The following GTF3C1 variants were observed in gnomAD, a reference collection of about 807,000 sequenced individuals.
The protein encoded by GTF3C1 is general transcription factor 3C polypeptide 1.
GTF3C1 carries 57 observed loss-of-function variants against 226.7 expected under a neutral mutation model. The ratio of observed to expected loss-of-function variants is 0.25; its 90% CI spans 0.20 to 0.31. The LOEUF is 0.31. Among genes scored for constraint, GTF3C1 ranks in the 10% least tolerant of loss-of-function variants. The probability of loss-of-function intolerance (pLI) is 1.00; values close to 1 mark genes in which losing one functional copy is unlikely to be tolerated. For synonymous variants in GTF3C1, 1,090 were observed against 1,084.8 expected, an observed-to-expected ratio of 1.00 and a Z score of -0.09; for missense variants, 2,217 against 2,776.1, an observed-to-expected ratio of 0.80 and a Z score of 4.53.
Position 27,461,626 on chromosome 16 carries a change from C to T in GTF3C1, c.6118-64G>A, listed in dbSNP as rs2141334862. On this transcript the variant is annotated intron_variant, in intron 36 of 36. Coordinates refer to ENST00000356183, the MANE Select transcript of GTF3C1 (RefSeq NM_001520.4). The surrounding 1 kb of genome is among the most constrained non-coding windows in gnomAD (Gnocchi z 5.3). ...CTCGCCTGCTTGTTGATTTATTCTT[C>T]AAGCATTTATGGAATGCCCCCTCTG... is the stretch of plus-strand genomic sequence containing the variant. 7.8e-7 allele frequency: 1 copy of T among 1,286,318 alleles called. No homozygotes were observed. The highest frequency in any genetic ancestry group is 1.1e-6 in the Non-Finnish European group (1 of 895,546). 79.7% of individuals were successfully genotyped at this position (1,286,318 alleles called of 1,614,324 possible).
rs2087952569 is a variant in GTF3C1 at position 27,476,527 on chromosome 16, A to G, written c.4277T>C (p.Phe1426Ser). 1 of 1,610,034 alleles carries G rather than the reference A, an allele frequency of 6.2e-7. No individual in the cohort carries two copies. The highest frequency in any genetic ancestry group is 8.5e-7 in the Non-Finnish European group (1 of 1,176,456). The change falls in exon 29 of 37, where the codon TTT (phenylalanine) becomes TCT (serine). Residue 1426 changes from phenylalanine (F) to serine (S), a missense_variant. This residue lies in a region of GTF3C1 where 546 missense variants were observed against 663.0 expected (regional missense o/e 0.82). Transcript: ENST00000356183. ...DELNSVDDIH[F>S]LVLQNLIQST... ...CTGGATCAGGTTCTGAAGCACCAGA[A>G]AGTGGATGTCATCCACGCTGAAAGA...
intron 34 of GTF3C1, 78 bp downstream of exon 34, chr16:27,464,242 G>T: frequency 2.3e-6 from 2 of 871,398 alleles, no homozygotes; most frequent in Admixed American, 3.9e-5. Context: ...CTCGGAGGAA[G>T]GTGTGAGGCC....
chr16:27,491,439 A>G (rs75766912), intron 19 of GTF3C1, among the ~76,000 whole-genome samples: 3,035 of 152,242 alleles, frequency 0.02, 65 homozygotes, highest in East Asian at 0.1. Context: ...TGCACCCGAC[A>G]CTTTGCGACA....
chr16:27,533,525 G>T, intron 4 of GTF3C1, 138 bp from the exon 5 acceptor site: 2 of 620,110 alleles, frequency 3.2e-6, no homozygotes, highest in Non-Finnish European at 5.9e-6. Flanking sequence ...AGGTCTCAAA[G>T]ATCATCCAGC....
At chr16:27,519,115 G>A (rs988837046) in intron 6 of GTF3C1, among the ~76,000 whole-genome samples, 1 of 152,094 alleles carries the variant, frequency 6.6e-6, no homozygotes, top group Non-Finnish European at 1.5e-5. Flanking sequence ...GAGAGGAGGT[G>A]GCATTTGGGT....
At chr16:27,521,578 G>C (rs2088750913) in intron 6 of GTF3C1, among the ~76,000 whole-genome samples, 1 of 152,246 alleles carries the variant, frequency 6.6e-6, no homozygotes, top group Admixed American at 6.5e-5. Context: ...CCAGGTGTCT[G>C]GGTCCCCTCG....
chr16:27,506,087 A>G lies in GTF3C1; in HGVS notation c.1582T>C (p.Leu528=), dbSNP rs773547880. The G allele has an allele frequency of 5.0e-6, 8 of 1,612,440 alleles. No individual in the cohort carries two copies. Among genetic ancestry groups the G allele is most frequent in the Admixed American group, 3.3e-5 (2 of 59,998 alleles). ...GGWKVVNLHP[L]KKQPPSFPGA... Reference sequence around the variant, plus strand: ...GGGAAGGAGGGCGGCTGCTTTTTCAATGGGTGTAGGTTTACAACTTTCCAC... The same window carrying G: ...GGGAAGGAGGGCGGCTGCTTTTTCAGTGGGTGTAGGTTTACAACTTTCCAC... The change falls in exon 10 of 37, where the codon TTG becomes CTG. Residue 528 remains leucine (L), a synonymous_variant. Transcript: ENST00000356183.
chr16:27,469,665 T>A lies in GTF3C1; in HGVS notation c.4815-115A>T. 8.8e-7 allele frequency: 1 copy of A among 1,140,954 alleles called. No individual in the cohort carries two copies. The highest frequency in any genetic ancestry group is 1.3e-6 in the Non-Finnish European group (1 of 790,930). The allele number at this position is 1,140,954 out of a possible 1,614,324, so 70.7% of individuals were successfully genotyped here. A position where few individuals can be genotyped will look rare whatever the true frequency, so the allele number is the denominator to read the frequency against. On this transcript the variant is annotated intron_variant, in intron 31 of 36. Coordinates refer to ENST00000356183, the MANE Select transcript of GTF3C1 (RefSeq NM_001520.4). This position sits in a 1 kb window ranked among gnomAD's most constrained non-coding sequence, Gnocchi z 4.5. ...GGGCTTCAGCAGTGGCCCCAGCAAC[T>A]GGCTATGCTTCATTACCAAGGCTGG...
chr16:27,490,384 C>G (rs985939326), intron 19 of GTF3C1, among the ~76,000 whole-genome samples: 1 of 152,232 alleles, frequency 6.6e-6, no homozygotes, highest in Non-Finnish European at 1.5e-5. Context: ...TGCAGACTCT[C>G]AAAGACTCTC....
chr16:27,496,006 C>T (rs1187623356), intron 14 of GTF3C1, among the ~76,000 whole-genome samples: 3 of 152,194 alleles, frequency 2.0e-5, no homozygotes, highest in Admixed American at 6.5e-5. Context: ...ATGTGATCCT[C>T]GGTGCTGGTG....
chr16:27,489,701 T>A lies in GTF3C1; in HGVS notation c.3194A>T (p.Asp1065Val). ...CPRVRKNSST[D>V]QGSDEEGSLQ... The stretch of plus-strand genomic sequence containing the variant: ...GCTGCCCTCCTCGTCGCTGCCCTGG[T>A]CTGTGCTGCTGTTCTTCCTGACGCG... Residue 1065 changes from aspartate to valine, a missense_variant, in exon 20 of 37, where the codon GAC (aspartate) becomes GTC (valine). Around this residue, in one of 12 missense-constraint regions of GTF3C1, gnomAD observed 353 missense variants for 411.7 expected, o/e 0.86. Coordinates refer to ENST00000356183, the MANE Select transcript of GTF3C1 (RefSeq NM_001520.4). The A allele has an allele frequency of 6.2e-7, 1 of 1,612,270 alleles. No homozygotes were observed. Among genetic ancestry groups the A allele is most frequent in the Non-Finnish European group, 8.5e-7 (1 of 1,179,788 alleles).
At chr16:27,544,219 C>G (rs1394841708) in intron 2 of GTF3C1, among the ~76,000 whole-genome samples, 1 of 151,744 alleles carries the variant, frequency 6.6e-6, no homozygotes, top group Non-Finnish European at 1.5e-5. Flanking sequence ...CAAGACCCCA[C>G]CTCTACAAAA....
rs1005530778 is a variant in GTF3C1, at chr16:27,463,824, A to G, written c.5873-232T>C. 4 of 549,196 alleles carry G rather than the reference A, an allele frequency of 7.3e-6. No individual in the cohort carries two copies. In the Admixed American group the frequency reaches 1.4e-4, roughly 20 times the overall value. 34.0% of individuals were successfully genotyped at this position (549,196 alleles called of 1,614,324 possible). A position where few individuals can be genotyped will look rare whatever the true frequency, so the allele number is the denominator to read the frequency against. On this transcript the variant is annotated intron_variant, in intron 34 of 36. Transcript: ENST00000356183. The surrounding 1 kb of genome is among the most constrained non-coding windows in gnomAD (Gnocchi z 4.9). Reference sequence around the variant, plus strand: ...GCAAGCAGCGTCCCAGGCCCGGACAAGCCCCACATTGCAGGAAGCCAGCGA... The same window carrying G: ...GCAAGCAGCGTCCCAGGCCCGGACAGGCCCCACATTGCAGGAAGCCAGCGA...
At chr16:27,536,198 G>A (rs1374276773) in intron 4 of GTF3C1, among the ~76,000 whole-genome samples, 2 of 152,196 alleles carry the variant, frequency 1.3e-5, no homozygotes, top group African/African-American at 2.4e-5. Flanking sequence ...ACAAGAACAG[G>A]CTATAACACA....
intron 27 of GTF3C1, among the ~76,000 whole-genome samples, chr16:27,478,798 C>T (rs889466369): frequency 6.6e-6 from 1 of 151,066 alleles, no homozygotes; most frequent in Non-Finnish European, 1.5e-5. Flanking sequence ...TGGCAAAGAT[C>T]CACTGTTAAT....
In GTF3C1 at chr16:27,489,620, G is replaced by C. The variant is rs1471456228; in HGVS notation, c.3275C>G (p.Ala1092Gly). The change falls in exon 20 of 37, where the codon GCC becomes GGC. Residue 1092 changes from alanine to glycine, a missense_variant. Ala to Gly is a moderately conservative substitution (Grantham distance 60). Transcript: ENST00000356183. Reference sequence around the variant, plus strand: ...CACGCACGTGGTGTACTCCAGCATGGCGCACTTGCGCTCCAGGTTGTGCTT... The same window carrying C: ...CACGCACGTGGTGTACTCCAGCATGCCGCACTTGCGCTCCAGGTTGTGCTT... The part of the protein sequence containing the change: ...MDKHNLERKC[A>G]MLEYTTGSRE... 1.2e-6 allele frequency: 2 copies of C among 1,609,600 alleles called. No individual in the cohort carries two copies. Among genetic ancestry groups the C allele is most frequent in the South Asian group, 2.2e-5 (2 of 90,806 alleles).
rs182064312 is a variant in GTF3C1, at chr16:27,538,492, C to T, written c.432-136G>A. 2.7e-5 allele frequency: 15 copies of T among 559,874 alleles called. No homozygotes were observed. The African/African-American group carries it at 2.9e-4, about 11-fold the overall frequency. 34.7% of individuals were successfully genotyped at this position (559,874 alleles called of 1,614,324 possible). A position where few individuals can be genotyped will look rare whatever the true frequency, so the allele number is the denominator to read the frequency against. ...TACAAGATCCCAAAATTAAGTTAAG[C>T]AAGTTTCAGTCTTAGAAGTGTAGTG... On this transcript the variant is annotated intron_variant, in intron 2 of 36. Transcript: ENST00000356183.
Position 27,484,336 on chromosome 16 carries a change from G to T in GTF3C1, c.3876C>A (p.Val1292=). Residue 1292 remains valine (V), a synonymous_variant, in exon 25 of 37, where the codon GTC becomes GTA. Transcript: ENST00000356183. ...VLNTKVKGPF[V]TWQVVRDILH... ...AAATGTCCCGTACCACCTGCCAGGTGACAAATGGGCCCTTCACCTGGATCA... is the reference window on the plus strand; with the variant it reads ...AAATGTCCCGTACCACCTGCCAGGTTACAAATGGGCCCTTCACCTGGATCA... 1 of 1,610,320 alleles carries T rather than the reference G, an allele frequency of 6.2e-7. No homozygotes were observed. The highest frequency in any genetic ancestry group is 8.5e-7 in the Non-Finnish European group (1 of 1,176,614).
intron 25 of GTF3C1, chr16:27,483,444 T>C: frequency 1.9e-6 from 1 of 515,584 alleles, no homozygotes; most frequent in East Asian, 5.3e-5. Flanking sequence ...TATGTGAAAG[T>C]GCATCACACA....
Sources: gnomAD v4.1 joint callset for allele counts (sites outside exome capture counted in the v4.1 genomes callset) on GRCh38, gnomAD v4.1.1 for gene constraint, gnomAD v4.1.1 regional missense constraint, Gnocchi (gnomAD v3.1) non-coding constraint, MANE v1.5 for transcripts, NCBI Gene and HGNC (gene_info 2026-07-23, HGNC 2026-07-21) for gene names.